The following PYROXD1 variants were observed in gnomAD, a reference collection of about 807,000 sequenced individuals.
The protein encoded by PYROXD1 is pyridine nucleotide-disulphide oxidoreductase domain 1.
PYROXD1 carries 42 observed loss-of-function variants against 62.0 expected under a neutral mutation model. The observed-to-expected ratio is 0.68, with a 90% CI of 0.53 to 0.88. PYROXD1 has a LOEUF of 0.88. Among genes scored for constraint, PYROXD1 ranks in the 40% least tolerant of loss-of-function variants. The pLI is 0.00. For missense variants in PYROXD1, 493 were observed against 604.8 expected, an observed-to-expected ratio of 0.82 and a Z score of 1.94; for synonymous variants, 170 against 206.4, an observed-to-expected ratio of 0.82 and a Z score of 1.51.
chr12:21,446,499 A>G (rs750609753), intron 3 of PYROXD1, among the ~76,000 whole-genome samples: 2 of 139,312 alleles, frequency 1.4e-5, no homozygotes, highest in East Asian at 2.1e-4. Context: ...TGGGGCATCA[A>G]TGATAAAATA....
intron 10 of PYROXD1, among the ~76,000 whole-genome samples, chr12:21,463,863 A>G (rs1294779432): frequency 1.3e-5 from 2 of 152,176 alleles, no homozygotes; most frequent in Admixed American, 1.3e-4. Flanking sequence ...AGAGGGGTAG[A>G]GACCTAGGTA....
In PYROXD1 at chr12:21,467,617, A is replaced by T. The variant is rs1942824500; in HGVS notation, c.1253A>T (p.Lys418Met). The T allele has an allele frequency of 2.5e-6, 4 of 1,607,342 alleles. No individual in the cohort carries two copies. Among genetic ancestry groups the T allele is most frequent in the Non-Finnish European group, 3.4e-6 (4 of 1,175,608 alleles). ...CATGTGACAAAATTTTTTAACTATA[A>T]GGTAAGATAGTTAAGCATATTAATG... ...FAHVTKFFNYKVVLLGKYNAQ... is the reference protein window; with the variant it reads ...FAHVTKFFNYMVVLLGKYNAQ... The change falls in exon 11 of 12, where the codon AAG becomes ATG. Residue 418 changes from lysine (K) to methionine (M), a missense_variant and splice_region_variant. By Grantham distance (95) the Lys-to-Met change is moderately conservative. Around this residue, in one of 2 missense-constraint regions of PYROXD1, gnomAD observed 329 missense variants for 446.6 expected, o/e 0.74. Transcript: ENST00000240651.
chr12:21,462,796 T>A lies in PYROXD1; in HGVS notation c.1050T>A (p.Leu350=), dbSNP rs1942723665. 1 of 1,613,944 alleles carries A rather than the reference T, an allele frequency of 6.2e-7. No homozygotes were observed. The highest frequency in any genetic ancestry group is 1.3e-5 in the African/African-American group (1 of 74,928). ...TGGATGATCATATGCACACATCCCT[T>A]CCTGATATCTATGCTGCCGGTGACA... ...LKVDDHMHTS[L]PDIYAAGDIC... is the part of the protein sequence containing the mutation. Residue 350 remains leucine (L), a synonymous_variant, in exon 10 of 12, where the codon CTT becomes CTA. Coordinates refer to ENST00000240651, the MANE Select transcript of PYROXD1 (RefSeq NM_024854.5).
intron 3 of PYROXD1, among the ~76,000 whole-genome samples, chr12:21,446,940 A>G (rs769312775): frequency 6.6e-5 from 10 of 152,192 alleles, no homozygotes; most frequent in Non-Finnish European, 1.5e-4. Flanking sequence ...AATTTTTAAA[A>G]AATTGATTTG....
chr12:21,465,938 T>G (rs1432527495), intron 10 of PYROXD1, among the ~76,000 whole-genome samples: 5 of 152,242 alleles, frequency 3.3e-5, no homozygotes, highest in African/African-American at 9.6e-5. Flanking sequence ...CTTCCCCATT[T>G]CTTCTTTTTG....
intron 3 of PYROXD1, among the ~76,000 whole-genome samples, chr12:21,448,593 A>G (rs1454070749): frequency 6.6e-6 from 1 of 152,200 alleles, no homozygotes; most frequent in East Asian, 1.9e-4. Flanking sequence ...GGTTTTATGT[A>G]TTTGTTATGG....
In PYROXD1 at chr12:21,460,424, TA is replaced by T. The variant is rs1565552854; in HGVS notation, c.751-600del. 2.7e-3 allele frequency among the ~76,000 whole-genome samples: 303 copies of T among 111,208 alleles called. 2 individuals are homozygous for T. The highest frequency in any genetic ancestry group is 7.3e-3 in the African/African-American group (217 of 29,686). 73.0% of individuals were successfully genotyped at this position (111,208 alleles called of 152,430 possible). On this transcript the variant is annotated intron_variant, in intron 7 of 11. Transcript: ENST00000240651. Reference sequence around the variant, plus strand: ...TATTTATTTATTTATTTATTTATTTTATTTATTTATTTTTTTTGAGACAGAG... The same window carrying T: ...TATTTATTTATTTATTTATTTATTTTTTTATTTATTTTTTTTGAGACAGAG...
At chr12:21,450,739 AAATT>A (rs1426663741) in intron 4 of PYROXD1, among the ~76,000 whole-genome samples, 1 of 152,196 alleles carries the variant, frequency 6.6e-6, no homozygotes, top group Non-Finnish European at 1.5e-5. Context: ...AATTGAGAGA[AAATT>A]AAAGGAACTT....
chr12:21,440,392 G>C lies in PYROXD1; in HGVS notation c.109G>C (p.Asp37His). The C allele has an allele frequency of 6.3e-7, 1 of 1,597,850 alleles. No individual in the cohort carries two copies. Among genetic ancestry groups the C allele is most frequent in the Non-Finnish European group, 8.5e-7 (1 of 1,172,570 alleles). Residue 37 changes from aspartate (D) to histidine (H), a missense_variant, in exon 2 of 12, where the codon GAT becomes CAT. Asp to His is a moderately conservative substitution (Grantham distance 81). This residue lies in a region of PYROXD1 where 164 missense variants were observed against 158.2 expected (regional missense o/e 1.04). Transcript: ENST00000240651. ...GTTGGCTACTCACTTTCCATCGGAA[G>C]ATATTCTCTTGGTAACAGCTTCTCC... ...EQLATHFPSE[D>H]ILLVTASPVI...
chr12:21,454,346 A>T lies in PYROXD1; in HGVS notation c.489-786A>T, dbSNP rs1031276490. On this transcript the variant is annotated intron_variant, in intron 5 of 11. Transcript: ENST00000240651. ...TGGCCATATATCTTGTTTGTCTGGG[A>T]TTGTCTCCATTTCCACCAGTTGTAC... is the stretch of plus-strand genomic sequence containing the variant. Among the ~76,000 whole-genome samples the T allele has an allele frequency of 2.6e-5, 4 of 152,056 alleles. No homozygotes were observed. In the South Asian group the frequency reaches 8.3e-4, roughly 32 times the overall value.
At chr12:21,449,503 A>T in intron 3 of PYROXD1, 60 bp from the exon 4 acceptor site, 1 of 1,509,242 alleles carries the variant, frequency 6.6e-7, no homozygotes. Flanking sequence ...GTTTAAAGTG[A>T]AGTTGTATCC....
Position 21,451,227 on chromosome 12 carries a change from C to G in PYROXD1, c.415-854C>G, listed in dbSNP as rs985493921. Among the ~76,000 whole-genome samples, 5 of 107,702 alleles carry G rather than the reference C, an allele frequency of 4.6e-5. No homozygotes were observed. The Admixed American group carries it at 4.8e-4, about 10-fold the overall frequency. The allele number at this position is 107,702 out of a possible 152,430, so 70.7% of individuals were successfully genotyped here. A position where few individuals can be genotyped will look rare whatever the true frequency, so the allele number is the denominator to read the frequency against. The stretch of plus-strand genomic sequence containing the variant: ...AAAGAATTACCACTGGCTTCTCTCT[C>G]TCTTTTTTTTTTAATATATCTATAT... On this transcript the variant is annotated intron_variant, in intron 4 of 11. Transcript: ENST00000240651.
chr12:21,470,274 G>A lies in PYROXD1; in HGVS notation c.*1520G>A, dbSNP rs1266846309. 6.2e-7 allele frequency: 1 copy of A among 1,607,552 alleles called. No homozygotes were observed. The highest frequency in any genetic ancestry group is 2.2e-5 in the East Asian group (1 of 44,648). On this transcript the variant is annotated 3_prime_UTR_variant, in exon 12 of 12. Coordinates refer to ENST00000240651, the MANE Select transcript of PYROXD1 (RefSeq NM_024854.5). Reference sequence around the variant, plus strand: ...TGAAGCATGTTTGCAGCCTTCTTCTGGAAGTTGCCTGAATTTTTTTCCTCC... The same window carrying A: ...TGAAGCATGTTTGCAGCCTTCTTCTAGAAGTTGCCTGAATTTTTTTCCTCC...
intron 10 of PYROXD1, among the ~76,000 whole-genome samples, chr12:21,463,095 CTT>C: frequency 6.6e-6 from 1 of 151,498 alleles, no homozygotes; most frequent in South Asian, 2.1e-4. Context: ...TGGGCTATTA[CTT>C]TGTTTTTCAT....
At chr12:21,440,476 ATT>A in intron 2 of PYROXD1, 28 bp downstream of exon 2, 1 of 1,298,252 alleles carries the variant, frequency 7.7e-7, no homozygotes, top group Non-Finnish European at 1.1e-6. Context: ...ACTTGTTAAT[ATT>A]AATTTGAAAA....
In PYROXD1 at chr12:21,457,906, T is replaced by C. The variant is rs186335358; in HGVS notation, c.750+1811T>C. Reference sequence around the variant, plus strand: ...GAACCAGGCCCAAACCATATAATGCTGTCATCCAGGCTTTGTTGTTCCATT... The same window carrying C: ...GAACCAGGCCCAAACCATATAATGCCGTCATCCAGGCTTTGTTGTTCCATT... On this transcript the variant is annotated intron_variant, in intron 7 of 11. Coordinates refer to ENST00000240651, the MANE Select transcript of PYROXD1 (RefSeq NM_024854.5). 2.3e-3 allele frequency among the ~76,000 whole-genome samples: 343 copies of C among 149,262 alleles called. 1 individual carries two copies. The highest frequency in any genetic ancestry group is 3.6e-3 in the Non-Finnish European group (242 of 67,056).
chr12:21,441,564 G>A (rs1199925012), intron 2 of PYROXD1, among the ~76,000 whole-genome samples: 3 of 151,924 alleles, frequency 2.0e-5, no homozygotes, highest in Admixed American at 6.6e-5. Flanking sequence ...TGTTGACATA[G>A]TCTGTTGCAT....
intron 2 of PYROXD1, among the ~76,000 whole-genome samples, chr12:21,444,638 C>T (rs1565544517): frequency 6.6e-6 from 1 of 151,460 alleles, no homozygotes; most frequent in Non-Finnish European, 1.5e-5. Context: ...GAAGTAGGTT[C>T]TTACATAATT....
At chr12:21,442,095 T>G (rs946390939) in intron 2 of PYROXD1, among the ~76,000 whole-genome samples, 24 of 152,202 alleles carry the variant, frequency 1.6e-4, no homozygotes, top group African/African-American at 5.8e-4. Flanking sequence ...AGCCTCCCAA[T>G]CTTTTCTTCT....
Sources: allele counts gnomAD v4.1 joint callset (sites outside exome capture counted in the v4.1 genomes callset), GRCh38; gene constraint gnomAD v4.1.1; regional missense constraint gnomAD v4.1.1; transcripts MANE v1.5; gene names NCBI Gene and HGNC (gene_info 2026-07-23, HGNC 2026-07-21).